The following WDR1 variants were observed in gnomAD, a reference collection of about 807,000 sequenced individuals.
WDR1 encodes WD repeat domain 1.
In WDR1, 21 loss-of-function variants were observed where a neutral mutation model predicts 71.9. The observed-to-expected ratio is 0.29, with a 90% CI of 0.21 to 0.42. WDR1 has a LOEUF of 0.42. Among genes scored for constraint, WDR1 ranks in the 10% least tolerant of loss-of-function variants. WDR1 has a pLI of 1.00. For synonymous variants in WDR1, 424 were observed against 347.4 expected (o/e 1.22, Z -2.45); for missense variants, 696 against 824.5 (o/e 0.84, Z 1.91).
chr4:10,115,622 G>A (rs1317410283), intron 2 of WDR1: 1 of 153,024 alleles, frequency 6.5e-6, no homozygotes, highest in Non-Finnish European at 1.5e-5. Context: ...CATCTGCCCA[G>A]CCAGCAGGCG....
intron 3 of WDR1, among the ~76,000 whole-genome samples, chr4:10,103,184 CTGGCCTGG>C (rs988324025): frequency 7.2e-5 from 11 of 152,164 alleles, no homozygotes; most frequent in Admixed American, 2.0e-4. Flanking sequence ...AACGTGAGCG[CTGGCCTGG>C]AGGCCAGCAT....
intron 10 of WDR1, among the ~76,000 whole-genome samples, chr4:10,082,595 C>G (rs1173234880): frequency 6.6e-6 from 1 of 151,878 alleles, no homozygotes; most frequent in Non-Finnish European, 1.5e-5. Flanking sequence ...CACTGTGTGC[C>G]CATCTCACCC....
chr4:10,088,400 CAT>C, intron 6 of WDR1, 27 bp from the exon 7 acceptor site: 3 of 1,548,402 alleles, frequency 1.9e-6, no homozygotes, highest in South Asian at 1.2e-5. Context: ...ACATGTGGGT[CAT>C]GTGTGTGTGA....
chr4:10,098,381 G>C (rs1219304380), intron 4 of WDR1, among the ~76,000 whole-genome samples: 1 of 152,246 alleles, frequency 6.6e-6, no homozygotes, highest in African/African-American at 2.4e-5. Context: ...GTACGAGAAA[G>C]TGCCATTCAG....
chr4:10,101,616 C>G (rs993372736), intron 3 of WDR1, among the ~76,000 whole-genome samples: 2 of 152,220 alleles, frequency 1.3e-5, no homozygotes, highest in African/African-American at 4.8e-5. Context: ...CCACGATGGC[C>G]ACTTATTTAT....
intron 5 of WDR1, among the ~76,000 whole-genome samples, chr4:10,093,936 T>C (rs1712168384): frequency 6.6e-6 from 1 of 152,230 alleles, no homozygotes; most frequent in Non-Finnish European, 1.5e-5. Context: ...TTTCCTTATC[T>C]ATCAGGAAGG....
intron 2 of WDR1, among the ~76,000 whole-genome samples, chr4:10,109,305 G>A (rs1286747695): frequency 1.3e-5 from 2 of 152,258 alleles, no homozygotes; most frequent in African/African-American, 4.8e-5. Flanking sequence ...GGTGAGTCAA[G>A]GGAGGTAACA....
intron 3 of WDR1, among the ~76,000 whole-genome samples, chr4:10,101,265 A>C (rs1407053895): frequency 6.6e-6 from 1 of 152,238 alleles, no homozygotes; most frequent in Non-Finnish European, 1.5e-5. Context: ...AGCCCTTCCC[A>C]AGGTTCAACA....
chr4:10,080,381 G>T (rs934158859), intron 11 of WDR1, among the ~76,000 whole-genome samples: 2 of 152,170 alleles, frequency 1.3e-5, no homozygotes, highest in Non-Finnish European at 2.9e-5. Context: ...CTAGAACTCC[G>T]CTTTGTAGCG....
chr4:10,098,291 C>T (rs1031368636), intron 4 of WDR1, among the ~76,000 whole-genome samples: 4 of 152,190 alleles, frequency 2.6e-5, no homozygotes, highest in Non-Finnish European at 5.9e-5. Context: ...GTTTTAGTTA[C>T]TATTTGCTAC....
chr4:10,115,281 GAC>G (rs1208542644), intron 2 of WDR1, among the ~76,000 whole-genome samples: 2 of 152,226 alleles, frequency 1.3e-5, no homozygotes, highest in Non-Finnish European at 2.9e-5. Context: ...GAGGGAGACT[GAC>G]AGACTGGGTC....
chr4:10,115,983 G>A (rs2108812071), intron 2 of WDR1, 130 bp downstream of exon 2: 4 of 1,310,296 alleles, frequency 3.1e-6, no homozygotes, highest in Non-Finnish European at 4.2e-6. Context: ...GTGGCTCCCG[G>A]TAGAGGGGGC....
chr4:10,111,086 T>C (rs1172071581), intron 2 of WDR1, among the ~76,000 whole-genome samples: 2 of 151,886 alleles, frequency 1.3e-5, no homozygotes, highest in Non-Finnish European at 2.9e-5. Context: ...TTGGCTTCCC[T>C]GCCTCAGATC....
intron 5 of WDR1, among the ~76,000 whole-genome samples, chr4:10,090,447 C>G (rs1394467075): frequency 2.6e-5 from 4 of 152,218 alleles, no homozygotes; most frequent in Non-Finnish European, 5.9e-5. Context: ...CTGGCAATGT[C>G]CCCAGGGCAG....
intron 3 of WDR1, 32 bp from the exon 4 acceptor site, chr4:10,099,171 A>AGGGGGGGGG: frequency 9.1e-6 from 1 of 109,756 alleles, no homozygotes. Context: ...GGAGGGGGGG[A>AGGGGGGGGG]GGCGGTGGTG....
At chr4:10,113,106 G>C (rs1179898933) in intron 2 of WDR1, among the ~76,000 whole-genome samples, 1 of 152,238 alleles carries the variant, frequency 6.6e-6, no homozygotes, top group Non-Finnish European at 1.5e-5. Context: ...CTGTATCCCA[G>C]GACTTTGGGA....
chr4:10,089,419 TAAAC>T (rs1488733403), intron 5 of WDR1, among the ~76,000 whole-genome samples: 2 of 152,182 alleles, frequency 1.3e-5, no homozygotes, highest in Non-Finnish European at 2.9e-5. Context: ...AATTAACTTT[TAAAC>T]AAAGTTAATG....
intron 5 of WDR1, chr4:10,093,012 C>T: frequency 7.9e-7 from 1 of 1,267,838 alleles, no homozygotes; most frequent in Non-Finnish European, 1.0e-6. Context: ...CCACAGTCCT[C>T]ACTCCCTCCC....
At chr4:10,111,502 G>A (rs1374485125) in intron 2 of WDR1, among the ~76,000 whole-genome samples, 2 of 152,166 alleles carry the variant, frequency 1.3e-5, no homozygotes, top group Non-Finnish European at 2.9e-5. Context: ...TTGCACCCAG[G>A]TGATAATCCA....
Sources: gnomAD v4.1 joint callset for allele counts (sites outside exome capture counted in the v4.1 genomes callset) on GRCh38, gnomAD v4.1.1 for gene constraint, MANE v1.5 for transcripts, NCBI Gene and HGNC (gene_info 2026-07-23, HGNC 2026-07-21) for gene names.